The following ADCY5 variants were observed in gnomAD, a reference collection of about 807,000 sequenced individuals.
The protein encoded by ADCY5 is adenylate cyclase 5, also known as adenylate cyclase type 5.
ADCY5 carries 30 observed loss-of-function variants against 119.7 expected under a neutral mutation model. The observed-to-expected ratio is 0.25, with a 90% confidence interval of 0.19 to 0.34. ADCY5 has a LOEUF of 0.34. Ranked by LOEUF, ADCY5 falls within the 10% of genes least tolerant of loss-of-function variation. ADCY5 has a pLI of 1.00. For missense variants in ADCY5, 1,324 were observed against 1,775.2 expected (o/e 0.75, Z 4.57); for synonymous variants, 753 against 762.2 (o/e 0.99, Z 0.20).
At chr3:123,363,760 T>C (rs928286092) in intron 1 of ADCY5, among the ~76,000 whole-genome samples, 1 of 152,048 alleles carries the variant, frequency 6.6e-6, no homozygotes, top group African/African-American at 2.4e-5. Context: ...AAATAAAAAA[T>C]TAGCCGGGCA....
chr3:123,336,062 G>C (rs376718868), intron 3 of ADCY5, among the ~76,000 whole-genome samples: 5 of 152,352 alleles, frequency 3.3e-5, no homozygotes, highest in Admixed American at 6.5e-5. Context: ...TGTGGGATGG[G>C]CCCAGAAAAT....
chr3:123,304,836 T>C (rs906063067), intron 12 of ADCY5, among the ~76,000 whole-genome samples: 4 of 152,162 alleles, frequency 2.6e-5, no homozygotes, highest in Non-Finnish European at 4.4e-5. Context: ...AATTAAATGA[T>C]TGGGCTCCTA....
At chr3:123,311,879 GCA>G (rs1041692042) in intron 12 of ADCY5, among the ~76,000 whole-genome samples, 7 of 151,932 alleles carry the variant, frequency 4.6e-5, no homozygotes, top group Non-Finnish European at 1.0e-4. Context: ...GGCCTCTGCA[GCA>G]CAGAGGCAGC....
intron 1 of ADCY5, among the ~76,000 whole-genome samples, chr3:123,438,204 G>A (rs541800888): frequency 3.3e-5 from 5 of 152,328 alleles, no homozygotes; most frequent in East Asian, 1.9e-4. Context: ...AGGTTCCTTC[G>A]GAAAATGGTG....
Position 123,311,396 on chromosome 3 carries a change from G to A in ADCY5, c.2442+2839C>T, listed in dbSNP as rs114072148. The stretch of plus-strand genomic sequence containing the variant: ...TCAGAGACAGGCAGACATTCACAGC[G>A]GGGAAGAAGGGGTACTGTTCCCCGC... On this transcript the variant is annotated intron_variant, in intron 12 of 20. Coordinates refer to ENST00000462833, the MANE Select transcript of ADCY5 (RefSeq NM_183357.3). Among the ~76,000 whole-genome samples the A allele has an allele frequency of 4.1e-3, 619 of 152,320 alleles. 6 individuals are homozygous for A. The highest frequency in any genetic ancestry group is 0.014 in the African/African-American group (582 of 41,586).
At chr3:123,419,329 C>T in intron 1 of ADCY5, 1 of 398,382 alleles carries the variant, frequency 2.5e-6, no homozygotes, top group South Asian at 1.0e-4. Context: ...ATCACTCTGG[C>T]TCATCTTCCA....
At chr3:123,412,402 G>A (rs1559869182) in intron 1 of ADCY5, among the ~76,000 whole-genome samples, 1 of 152,218 alleles carries the variant, frequency 6.6e-6, no homozygotes, top group Non-Finnish European at 1.5e-5. Flanking sequence ...ATAGATGCCA[G>A]ACAACGCAAC....
intron 3 of ADCY5, among the ~76,000 whole-genome samples, chr3:123,345,769 G>GACACAGACACACACACACACACAC (rs1942514556): frequency 2.6e-5 from 3 of 113,760 alleles, no homozygotes; most frequent in African/African-American, 1.2e-4. Context: ...CAGACAGACA[G>GACACAGACACACACACACACACAC]ACACACACAC....
intron 1 of ADCY5, among the ~76,000 whole-genome samples, chr3:123,396,724 AGG>A (rs1298854051): frequency 3.9e-5 from 3 of 76,674 alleles, no homozygotes; most frequent in African/African-American, 1.6e-4. Context: ...GAGAGAAGGG[AGG>A]GAGGAAGGAA....
At position 123,334,297 on chromosome 3, in the gene ADCY5, G is replaced by A. The variant is rs75095176; in HGVS notation, c.1407-1622C>T. ...TCTCAGAGCAGCCAGAGACAGCGGC[G>A]TGGCAGGATTCTTCCTCCAAGGTCT... On this transcript the variant is annotated intron_variant, in intron 3 of 20. Coordinates refer to ENST00000462833, the MANE Select transcript of ADCY5 (RefSeq NM_183357.3). Among the ~76,000 whole-genome samples, 413 of 152,256 alleles carry A rather than the reference G, an allele frequency of 2.7e-3. 4 individuals are homozygous for A. Among genetic ancestry groups the A allele is most frequent in the African/African-American group, 9.1e-3 (379 of 41,524 alleles).
At chr3:123,426,623 G>T (rs1000394846) in intron 1 of ADCY5, among the ~76,000 whole-genome samples, 4 of 152,172 alleles carry the variant, frequency 2.6e-5, no homozygotes, top group African/African-American at 9.7e-5. Flanking sequence ...GAGCCACTGC[G>T]CCTGGCCAGA....
chr3:123,433,700 G>A (rs931701792), intron 1 of ADCY5, among the ~76,000 whole-genome samples: 6 of 152,084 alleles, frequency 3.9e-5, no homozygotes, highest in South Asian at 2.1e-4. Context: ...GAGAGACCCC[G>A]GGTCAGACTT....
chr3:123,325,715 G>T (rs1333999306), intron 7 of ADCY5, among the ~76,000 whole-genome samples: 2 of 152,258 alleles, frequency 1.3e-5, no homozygotes, highest in Non-Finnish European at 2.9e-5. Context: ...AGTTGGTCTT[G>T]TGAGAAAGCA....
chr3:123,448,436 G>C lies in ADCY5; in HGVS notation c.110C>G (p.Ser37Cys), dbSNP rs1945871079. ...GGCATGGGGGTAGCCATTCGCGCGGGAATCGGCCTCGCCCCACGCAGAGCG... is the reference window on the plus strand; with the variant it reads ...GGCATGGGGGTAGCCATTCGCGCGGCAATCGGCCTCGCCCCACGCAGAGCG... ...EHRSAWGEAD[S>C]RANGYPHAPG... The change falls in exon 1 of 21, where the codon TCC becomes TGC. Residue 37 changes from serine to cysteine, a missense_variant. Physicochemically the swap from Ser to Cys is moderately radical, Grantham distance 112. Around this residue, in one of 6 missense-constraint regions of ADCY5, gnomAD observed 585 missense variants for 569.9 expected, o/e 1.03. Coordinates refer to ENST00000462833, the MANE Select transcript of ADCY5 (RefSeq NM_183357.3). 1 of 1,347,928 alleles carries C rather than the reference G, an allele frequency of 7.4e-7. No homozygotes were observed. Among genetic ancestry groups the C allele is most frequent in the East Asian group, 3.1e-5 (1 of 32,402 alleles). The allele number at this position is 1,347,928 out of a possible 1,614,324, so 83.5% of individuals were successfully genotyped here.
intron 11 of ADCY5, among the ~76,000 whole-genome samples, chr3:123,315,386 G>C (rs1053146050): frequency 2.6e-5 from 4 of 152,222 alleles, no homozygotes; most frequent in East Asian, 3.8e-4. Context: ...GAGGTGGCTA[G>C]AGAATGACCT....
At chr3:123,287,771 C>T (rs1442053331) in intron 19 of ADCY5, among the ~76,000 whole-genome samples, 2 of 152,204 alleles carry the variant, frequency 1.3e-5, no homozygotes, top group African/African-American at 2.4e-5. Flanking sequence ...CTGATGGCTT[C>T]TATTTCCCAA....
intron 3 of ADCY5, among the ~76,000 whole-genome samples, chr3:123,338,886 G>A (rs1333175765): frequency 6.6e-6 from 1 of 151,374 alleles, no homozygotes; most frequent in Non-Finnish European, 1.5e-5. Flanking sequence ...AGCTGTCAGA[G>A]CCTGGCCCTG....
chr3:123,340,302 G>A (rs74860490), intron 3 of ADCY5, among the ~76,000 whole-genome samples: 8,594 of 152,084 alleles, frequency 0.057, 778 homozygotes, highest in African/African-American at 0.19. Flanking sequence ...AAAAAAAGTA[G>A]AATAAAAAAG....
Position 123,381,933 on chromosome 3 carries a change from C to T in ADCY5, c.1135-29352G>A, listed in dbSNP as rs773988336. Reference sequence around the variant, plus strand: ...TCTGCTTAAACCCTGCAATAGCTCCCTTCTCACTCAAGGGAGAAGAAAGGC... The same window carrying T: ...TCTGCTTAAACCCTGCAATAGCTCCTTTCTCACTCAAGGGAGAAGAAAGGC... On this transcript the variant is annotated intron_variant, in intron 1 of 20. Transcript: ENST00000462833. Among the ~76,000 whole-genome samples, 8 of 152,346 alleles carry T rather than the reference C, an allele frequency of 5.3e-5. 1 individual carries two copies. In the South Asian group the frequency reaches 1.5e-3, roughly 28 times the overall value.
Sources: gnomAD v4.1 joint callset for allele counts (sites outside exome capture counted in the v4.1 genomes callset) on GRCh38, gnomAD v4.1.1 for gene constraint, gnomAD v4.1.1 regional missense constraint, MANE v1.5 for transcripts, NCBI Gene and HGNC (gene_info 2026-07-23, HGNC 2026-07-21) for gene names.